PELI2: variants seen among roughly 807,000 people sequenced by gnomAD.
The protein encoded by PELI2 is pellino E3 ubiquitin protein ligase family member 2.
A neutral mutation model predicts 42.3 loss-of-function variants in PELI2; 23 were observed. The observed-to-expected ratio is 0.54, with a 90% CI of 0.39 to 0.77. The LOEUF (loss-of-function observed/expected upper bound fraction) is 0.77. Among genes scored for constraint, PELI2 ranks in the 30% least tolerant of loss-of-function variants. PELI2 has a pLI of 0.00. For missense variants in PELI2, 463 were observed against 553.2 expected, an observed-to-expected ratio of 0.84 and a Z score of 1.64; for synonymous variants, 245 against 212.2, an observed-to-expected ratio of 1.15 and a Z score of -1.34.
chr14:56,238,603 G>C (rs76718520), intron 2 of PELI2, among the ~76,000 whole-genome samples: 1 of 152,092 alleles, frequency 6.6e-6, no homozygotes, highest in Non-Finnish European at 1.5e-5. Context: ...GACTTTTGAT[G>C]GAAGGGTTCA....
chr14:56,171,397 G>T (rs762989329), intron 1 of PELI2, among the ~76,000 whole-genome samples: 13 of 152,124 alleles, frequency 8.5e-5, no homozygotes, highest in Non-Finnish European at 1.9e-4. Flanking sequence ...CCAGATGCAG[G>T]CTCTCTGACC....
chr14:56,241,219 C>T (rs752219266), intron 2 of PELI2, among the ~76,000 whole-genome samples: 20 of 152,060 alleles, frequency 1.3e-4, no homozygotes, highest in South Asian at 1.2e-3. Context: ...CAGTGTTAGG[C>T]CTGCAAGAAA....
chr14:56,187,646 T>C (rs1429889834), intron 2 of PELI2, among the ~76,000 whole-genome samples: 1 of 152,192 alleles, frequency 6.6e-6, no homozygotes, highest in Non-Finnish European at 1.5e-5. Flanking sequence ...CCTTAACTTT[T>C]CTGAAAAAGT....
intron 3 of PELI2, among the ~76,000 whole-genome samples, chr14:56,287,183 T>G (rs181332382): frequency 6.6e-6 from 1 of 152,336 alleles, no homozygotes; most frequent in African/African-American, 2.4e-5. Context: ...GCTCCAGGTT[T>G]GGTGAGATGA....
chr14:56,207,103 A>G (rs1360129320), intron 2 of PELI2, among the ~76,000 whole-genome samples: 1 of 152,210 alleles, frequency 6.6e-6, no homozygotes, highest in Non-Finnish European at 1.5e-5. Context: ...TACGACTTTA[A>G]GATTCATGAA....
intron 2 of PELI2, among the ~76,000 whole-genome samples, chr14:56,217,118 T>TATA (rs1471552695): frequency 6.6e-6 from 1 of 152,212 alleles, no homozygotes; most frequent in Non-Finnish European, 1.5e-5. Context: ...TTTGTTACAT[T>TATA]ATAGTTGCAT....
At chr14:56,259,344 C>A (rs930285829) in intron 2 of PELI2, among the ~76,000 whole-genome samples, 2 of 152,040 alleles carry the variant, frequency 1.3e-5, no homozygotes, top group Non-Finnish European at 2.9e-5. Flanking sequence ...TTTTTGATCT[C>A]TTTAAAAGAA....
intron 2 of PELI2, among the ~76,000 whole-genome samples, chr14:56,228,871 G>A (rs1325565077): frequency 1.3e-5 from 2 of 152,196 alleles, no homozygotes; most frequent in African/African-American, 2.4e-5. Context: ...GTCACAGACG[G>A]TACCTGGAAA....
intron 1 of PELI2, among the ~76,000 whole-genome samples, chr14:56,129,613 G>C (rs1883405645): frequency 6.6e-6 from 1 of 152,208 alleles, no homozygotes; most frequent in South Asian, 2.1e-4. Flanking sequence ...ATAGCCCTGT[G>C]CTCTTTCCTG....
At chr14:56,198,665 G>A (rs1033691074) in intron 2 of PELI2, among the ~76,000 whole-genome samples, 3 of 152,176 alleles carry the variant, frequency 2.0e-5, no homozygotes, top group Non-Finnish European at 2.9e-5. Flanking sequence ...CTTTGGAACA[G>A]ATGTGCAGTG....
chr14:56,258,444 A>G (rs1332424457), intron 2 of PELI2, among the ~76,000 whole-genome samples: 1 of 152,184 alleles, frequency 6.6e-6, no homozygotes, highest in African/African-American at 2.4e-5. Context: ...CACAGACAAG[A>G]AGGTTAAAAT....
intron 2 of PELI2, among the ~76,000 whole-genome samples, chr14:56,255,763 G>A (rs183596085): frequency 3.1e-4 from 47 of 152,264 alleles, no homozygotes; most frequent in Non-Finnish European, 4.9e-4. Flanking sequence ...TACATAATGT[G>A]TGGGGAAGGC....
intron 1 of PELI2, among the ~76,000 whole-genome samples, chr14:56,148,144 C>G (rs554792913): frequency 1.3e-5 from 2 of 152,316 alleles, no homozygotes; most frequent in Non-Finnish European, 2.9e-5. Flanking sequence ...CAGCCTGGAT[C>G]CTTCCCTTGC....
At chr14:56,151,775 T>G (rs1252822030) in intron 1 of PELI2, among the ~76,000 whole-genome samples, 8 of 152,230 alleles carry the variant, frequency 5.3e-5, no homozygotes. Flanking sequence ...GAAACAAGTT[T>G]TATTAAGAAA....
At chr14:56,295,063 T>C (rs111316490) in intron 5 of PELI2, among the ~76,000 whole-genome samples, 20,640 of 152,042 alleles carry the variant, frequency 0.14, 1,809 homozygotes, top group Middle Eastern at 0.22. Context: ...CTTGCTCAGA[T>C]CAAGAGCTGA....
chr14:56,193,842 A>G (rs1300107771), intron 2 of PELI2, among the ~76,000 whole-genome samples: 1 of 152,226 alleles, frequency 6.6e-6, no homozygotes, highest in African/African-American at 2.4e-5. Context: ...AAAGGAGTAT[A>G]TAATTTGCCC....
intron 5 of PELI2, among the ~76,000 whole-genome samples, 185 bp from the exon 6 acceptor site, chr14:56,296,415 C>T (rs985859630): frequency 6.6e-6 from 1 of 152,124 alleles, no homozygotes; most frequent in Non-Finnish European, 1.5e-5. Context: ...GTATCATATC[C>T]AGTGATCAGA....
intron 1 of PELI2, among the ~76,000 whole-genome samples, chr14:56,120,257 T>A (rs1472797874): frequency 6.6e-6 from 1 of 152,196 alleles, no homozygotes; most frequent in Non-Finnish European, 1.5e-5. Context: ...GGAGTTTGGT[T>A]TTGTTTGTGT....
intron 2 of PELI2, among the ~76,000 whole-genome samples, chr14:56,199,350 G>A (rs375875637): frequency 4.0e-4 from 61 of 152,222 alleles, no homozygotes; most frequent in Admixed American, 1.4e-3. Context: ...TACAAGAGAC[G>A]GTCTGGCCTG....
Sources: allele counts gnomAD v4.1 joint callset (sites outside exome capture counted in the v4.1 genomes callset), GRCh38; gene constraint gnomAD v4.1.1; transcripts MANE v1.5; gene names NCBI Gene and HGNC (gene_info 2026-07-23, HGNC 2026-07-21).